SLC38A12: variants seen among roughly 807,000 people sequenced by gnomAD.
The protein encoded by SLC38A12 is putative sodium-coupled neutral amino acid transporter 12.
chr17:74,795,304 T>C, the SLC38A12 span, among the ~76,000 whole-genome samples: 1 of 151,952 alleles, frequency 6.6e-6, no homozygotes, highest in Admixed American at 6.6e-5. Flanking sequence ...CACTGTCCCC[T>C]TCCCTGCCCC....
chr17:74,803,816 GGCAA>G, the SLC38A12 span, among the ~76,000 whole-genome samples: 1 of 152,096 alleles, frequency 6.6e-6, no homozygotes, highest in East Asian at 1.9e-4. Context: ...CCCATTTCTG[GGCAA>G]AGAACTAAAA....
the SLC38A12 span, chr17:74,839,142 C>T: frequency 6.6e-7 from 1 of 1,523,456 alleles, no homozygotes; most frequent in Non-Finnish European, 8.8e-7. Context: ...CTGTTCCTCA[C>T]CTGAGGCTAG....
chr17:74,818,244 G>T, the SLC38A12 span, among the ~76,000 whole-genome samples: 1 of 152,164 alleles, frequency 6.6e-6, no homozygotes, highest in East Asian at 1.9e-4. Context: ...GCCTTCCCCT[G>T]CCCAGCCCCA....
At chr17:74,791,637 GTGGCTT>G in the SLC38A12 span, among the ~76,000 whole-genome samples, 2 of 152,240 alleles carry the variant, frequency 1.3e-5, no homozygotes, top group East Asian at 3.9e-4. Flanking sequence ...ACGCCTGGGC[GTGGCTT>G]CCCAGTGGCC....
At chr17:74,817,064 G>A in the SLC38A12 span, among the ~76,000 whole-genome samples, 4 of 141,796 alleles carry the variant, frequency 2.8e-5, no homozygotes, top group East Asian at 2.1e-4. Flanking sequence ...GCGTGGCAGC[G>A]CATGCCATTG....
chr17:74,800,524 G>A, the SLC38A12 span, among the ~76,000 whole-genome samples: 3 of 152,252 alleles, frequency 2.0e-5, no homozygotes, highest in Non-Finnish European at 4.4e-5. Context: ...GTGGGTCAAC[G>A]CTGCCTTCAC....
chr17:74,813,150 G>A, the SLC38A12 span, among the ~76,000 whole-genome samples: 332 of 152,332 alleles, frequency 2.2e-3, 2 homozygotes, highest in African/African-American at 7.2e-3. Context: ...TGCCACTCCA[G>A]GATGAGAACA....
the SLC38A12 span, among the ~76,000 whole-genome samples, chr17:74,806,100 G>GT: frequency 3.3e-5 from 5 of 152,212 alleles, no homozygotes; most frequent in Admixed American, 1.3e-4. Flanking sequence ...AGGTGTGGGT[G>GT]TTTTTTCCCA....
At chr17:74,802,180 C>T in the SLC38A12 span, among the ~76,000 whole-genome samples, 3 of 152,294 alleles carry the variant, frequency 2.0e-5, no homozygotes, top group Middle Eastern at 3.4e-3. Context: ...GAGAGGGTTG[C>T]TGTTTTTGTT....
chr17:74,834,616 C>G, the SLC38A12 span, among the ~76,000 whole-genome samples: 7 of 152,216 alleles, frequency 4.6e-5, no homozygotes, highest in Non-Finnish European at 1.0e-4. Flanking sequence ...GGATACCCAG[C>G]CTCCCACCTG....
chr17:74,780,475 A>C, the SLC38A12 span, among the ~76,000 whole-genome samples: 40 of 152,314 alleles, frequency 2.6e-4, no homozygotes, highest in Middle Eastern at 3.4e-3. Flanking sequence ...CTTCATTATC[A>C]AGACTGCAGT....
chr17:74,806,092 G>A, the SLC38A12 span, among the ~76,000 whole-genome samples: 1 of 152,224 alleles, frequency 6.6e-6, no homozygotes, highest in Admixed American at 6.5e-5. Flanking sequence ...GTGGTTGGAG[G>A]TGTGGGTGTT....
the SLC38A12 span, among the ~76,000 whole-genome samples, chr17:74,796,854 C>G: frequency 6.6e-6 from 1 of 152,266 alleles, no homozygotes; most frequent in East Asian, 1.9e-4. Context: ...CAGGCACTAG[C>G]AGCACAGCTG....
At chr17:74,819,244 A>C in the SLC38A12 span, among the ~76,000 whole-genome samples, 1 of 152,080 alleles carries the variant, frequency 6.6e-6, no homozygotes, top group Admixed American at 6.5e-5. Flanking sequence ...ACTCCTCTCC[A>C]AGCCCGTCAG....
chr17:74,816,816 G>T, the SLC38A12 span, among the ~76,000 whole-genome samples: 1 of 152,096 alleles, frequency 6.6e-6, no homozygotes, highest in African/African-American at 2.4e-5. Flanking sequence ...TTGGAAAATT[G>T]CTCAGGAGCC....
the SLC38A12 span, among the ~76,000 whole-genome samples, chr17:74,822,802 C>T: frequency 6.6e-6 from 1 of 152,196 alleles, no homozygotes; most frequent in Admixed American, 6.5e-5. Flanking sequence ...ATTTTTCTTC[C>T]CAGTGCTGGC....
At chr17:74,797,997 A>T in the SLC38A12 span, among the ~76,000 whole-genome samples, 1 of 152,116 alleles carries the variant, frequency 6.6e-6, no homozygotes, top group African/African-American at 2.4e-5. Flanking sequence ...TAGGGATGCC[A>T]CACTGCCTCT....
the SLC38A12 span, among the ~76,000 whole-genome samples, chr17:74,823,252 G>T: frequency 6.6e-6 from 1 of 152,314 alleles, no homozygotes; most frequent in Non-Finnish European, 1.5e-5. Flanking sequence ...CAAAGGGGAA[G>T]AATAAGCACC....
At chr17:74,800,900 G>A in the SLC38A12 span, among the ~76,000 whole-genome samples, 23 of 152,332 alleles carry the variant, frequency 1.5e-4, 1 homozygote, top group African/African-American at 4.3e-4. Flanking sequence ...GGGTTGGCCC[G>A]TCTAGAAACG....
Sources: gnomAD v4.1 joint callset for allele counts (sites outside exome capture counted in the v4.1 genomes callset) on GRCh38, gnomAD v4.1.1 for gene constraint, MANE v1.5 for transcripts, NCBI Gene and HGNC (gene_info 2026-07-23, HGNC 2026-07-21) for gene names.